The following NUP133 variants were observed in gnomAD, a reference collection of about 807,000 sequenced individuals.
NUP133 encodes the protein nuclear pore complex protein Nup133.
Under a neutral mutation model 146.2 loss-of-function variants are expected in NUP133, and 66 were observed. That is an observed-to-expected ratio of 0.45 (90% CI 0.37 to 0.55). The LOEUF is 0.55. Among genes scored for constraint, NUP133 ranks in the 20% least tolerant of loss-of-function variants. NUP133 has a pLI of 0.00. For synonymous variants in NUP133, 521 were observed against 498.8 expected, an observed-to-expected ratio of 1.04 and a Z score of -0.59; for missense variants, 1,277 against 1,374.8, an observed-to-expected ratio of 0.93 and a Z score of 1.12.
Position 229,498,311 on chromosome 1 carries a change from G to GA in NUP133, c.649-6dup, listed in dbSNP as rs753726547. 3 of 1,560,450 alleles carry GA rather than the reference G, an allele frequency of 1.9e-6. No homozygotes were observed. Among genetic ancestry groups the GA allele is most frequent in the African/African-American group, 2.8e-5 (2 of 71,700 alleles). Reference sequence around the variant, plus strand: ...AGACAAAATAAAACTTCCTCCCTGTGAAAAAACATTATGAGGTTAGTTCAG... The same window carrying GA: ...AGACAAAATAAAACTTCCTCCCTGTGAAAAAAACATTATGAGGTTAGTTCAG... On this transcript the variant is annotated splice_region_variant and splice_polypyrimidine_tract_variant and intron_variant, in intron 5 of 25. Coordinates refer to ENST00000261396, the MANE Select transcript of NUP133 (RefSeq NM_018230.3).
intron 25 of NUP133, among the ~76,000 whole-genome samples, chr1:229,443,617 A>G (rs923899075): frequency 2.0e-5 from 3 of 152,140 alleles, no homozygotes; most frequent in African/African-American, 7.2e-5. Flanking sequence ...ACTATTGTAC[A>G]TGAAAGCCAT....
rs150406381 is a variant in NUP133 at position 229,475,652 on chromosome 1, C to T, written c.1837G>A (p.Asp613Asn). 195 of 1,613,892 alleles carry T rather than the reference C, an allele frequency of 1.2e-4. 1 individual carries two copies. The highest frequency in any genetic ancestry group is 1.7e-4 in the Middle Eastern group (1 of 6,060). The change falls in exon 14 of 26, where the codon GAC becomes AAC. Residue 613 changes from aspartate to asparagine, a missense_variant. This residue lies in a region of NUP133 where 952 missense variants were observed against 1,047.0 expected (regional missense o/e 0.91). Coordinates refer to ENST00000261396, the MANE Select transcript of NUP133 (RefSeq NM_018230.3). Reference sequence around the variant, plus strand: ...TGCGCTCTTACTTGATGAATAAAGTCCATAAGAAAAGAGTGAGCTTTCATC... The same window carrying T: ...TGCGCTCTTACTTGATGAATAAAGTTCATAAGAAAAGAGTGAGCTTTCATC... ...DKMKAHSFLM[D>N]FIHQVGLFGR... is the part of the protein sequence containing the mutation.
chr1:229,470,764 C>T lies in NUP133; in HGVS notation c.1892G>A (p.Gly631Glu). 2 of 1,614,096 alleles carry T rather than the reference C, an allele frequency of 1.2e-6. No homozygotes were observed. The highest frequency in any genetic ancestry group is 1.1e-5 in the South Asian group (1 of 91,076). ...CAACAGTCGAGTGGCCATCGGTGTC[C>T]CTCTAACTGGAAAACTGCCTAGACG... ...FGRLGSFPVR[G>E]TPMATRLLLC... The change falls in exon 15 of 26, where the codon GGG (glycine) becomes GAG (glutamate). Residue 631 changes from glycine (G) to glutamate (E), a missense_variant. This residue lies in a region of NUP133 where 952 missense variants were observed against 1,047.0 expected (regional missense o/e 0.91). Coordinates refer to ENST00000261396, the MANE Select transcript of NUP133 (RefSeq NM_018230.3).
chr1:229,495,167 T>C (rs1001488959), intron 8 of NUP133, among the ~76,000 whole-genome samples: 3 of 151,894 alleles, frequency 2.0e-5, no homozygotes, highest in Non-Finnish European at 4.4e-5. Context: ...GGCAGGAGGG[T>C]TGCTTGAGCC....
At chr1:229,452,811 T>C (rs1316739547) in intron 21 of NUP133, among the ~76,000 whole-genome samples, 168 bp from the exon 22 acceptor site, 3 of 152,206 alleles carry the variant, frequency 2.0e-5, no homozygotes, top group Non-Finnish European at 4.4e-5. Flanking sequence ...TTATTCTTGA[T>C]TGCCGGTTAT....
At chr1:229,445,968 G>C (rs931298363) in intron 24 of NUP133, among the ~76,000 whole-genome samples, 1 of 152,210 alleles carries the variant, frequency 6.6e-6, no homozygotes, top group Non-Finnish European at 1.5e-5. Context: ...GCTTTTAGCA[G>C]TCAATTCATG....
chr1:229,481,567 G>C (rs565204088), intron 12 of NUP133, among the ~76,000 whole-genome samples: 24 of 151,962 alleles, frequency 1.6e-4, no homozygotes, highest in African/African-American at 3.9e-4. Flanking sequence ...AATTAGCCGG[G>C]CATGGCAGTG....
chr1:229,494,335 G>A (rs1489821016), intron 8 of NUP133, among the ~76,000 whole-genome samples: 1 of 152,086 alleles, frequency 6.6e-6, no homozygotes, highest in Admixed American at 6.6e-5. Flanking sequence ...CTGTAAAGGG[G>A]CCTATAATAA....
chr1:229,488,082 G>A (rs1028645945), intron 9 of NUP133, among the ~76,000 whole-genome samples: 1 of 151,958 alleles, frequency 6.6e-6, no homozygotes, highest in Non-Finnish European at 1.5e-5. Flanking sequence ...CTGACCTCAG[G>A]TGATCCACCC....
rs1378034640 is a variant in NUP133, at chr1:229,490,039, G to A, written c.1110C>T (p.Tyr370=). Residue 370 remains tyrosine, a synonymous_variant, in exon 9 of 26, where the codon TAC becomes TAT. Coordinates refer to ENST00000261396, the MANE Select transcript of NUP133 (RefSeq NM_018230.3). ...HSADNPCLIY[Y]SLITIEDNGC... is the part of the protein sequence containing the mutation. The stretch of plus-strand genomic sequence containing the variant: ...CATTATCTTCTATTGTTATCAGAGA[G>A]TAATAGATGAGACATGGATTGTCTG... 1 of 1,611,696 alleles carries A rather than the reference G, an allele frequency of 6.2e-7. No individual in the cohort carries two copies.
intron 24 of NUP133, among the ~76,000 whole-genome samples, chr1:229,446,752 T>A (rs944402052): frequency 6.7e-6 from 1 of 149,890 alleles, no homozygotes; most frequent in East Asian, 2.0e-4. Flanking sequence ...AATTTTTTTT[T>A]AATAAAAAAT....
chr1:229,465,591 AC>A (rs1660793187), intron 16 of NUP133, 72 bp from the exon 17 acceptor site: 2 of 1,148,304 alleles, frequency 1.7e-6, no homozygotes, highest in East Asian at 4.7e-5. Flanking sequence ...ATAATTTAAG[AC>A]AGCAAAGTAA....
intron 24 of NUP133, among the ~76,000 whole-genome samples, chr1:229,446,522 G>A (rs1350092119): frequency 2.6e-5 from 4 of 151,756 alleles, no homozygotes; most frequent in Admixed American, 1.3e-4. Flanking sequence ...TAGGCCAGAA[G>A]ATCGAGAACA....
chr1:229,461,864 A>T (rs1031879837), intron 19 of NUP133, among the ~76,000 whole-genome samples: 1 of 152,212 alleles, frequency 6.6e-6, no homozygotes, highest in Non-Finnish European at 1.5e-5. Context: ...GATATACTAA[A>T]TAAGCCATGT....
chr1:229,487,435 C>T (rs1476256269), intron 10 of NUP133, 31 bp downstream of exon 10: 1 of 1,600,026 alleles, frequency 6.2e-7, no homozygotes, highest in South Asian at 1.1e-5. Context: ...AATGAGCTCA[C>T]CAATCATGCT....
chr1:229,441,381 G>A lies in NUP133; in HGVS notation c.*523C>T. 1.9e-6 allele frequency: 1 copy of A among 530,784 alleles called. No individual in the cohort carries two copies. The highest frequency in any genetic ancestry group is 3.9e-6 in the Non-Finnish European group (1 of 258,882). 32.9% of individuals were successfully genotyped at this position (530,784 alleles called of 1,614,324 possible). A position where few individuals can be genotyped will look rare whatever the true frequency, so the allele number is the denominator to read the frequency against. On this transcript the variant is annotated 3_prime_UTR_variant, in exon 26 of 26. Coordinates refer to ENST00000261396, the MANE Select transcript of NUP133 (RefSeq NM_018230.3). Reference sequence around the variant, plus strand: ...TTCATCAGTTATCAAGCTCACATGAGTTAGGCCCACTCTCCTTTGGTTTTT... The same window carrying A: ...TTCATCAGTTATCAAGCTCACATGAATTAGGCCCACTCTCCTTTGGTTTTT...
At chr1:229,470,926 C>G in intron 14 of NUP133, 122 bp from the exon 15 acceptor site, 1 of 751,224 alleles carries the variant, frequency 1.3e-6, no homozygotes, top group Non-Finnish European at 2.2e-6. Flanking sequence ...CCCAGCAAGT[C>G]CCTCCAGCTG....
At position 229,465,404 on chromosome 1, in the gene NUP133, T is replaced by C. The variant is rs1422873435; in HGVS notation, c.2299+16A>G. 6.6e-7 allele frequency: 1 copy of C among 1,522,440 alleles called. No homozygotes were observed. Among genetic ancestry groups the C allele is most frequent in the Non-Finnish European group, 9.1e-7 (1 of 1,098,946 alleles). The allele number at this position is 1,522,440 out of a possible 1,614,324, so 94.3% of individuals were successfully genotyped here. A position where few individuals can be genotyped will look rare whatever the true frequency, so the allele number is the denominator to read the frequency against. On this transcript the variant is annotated intron_variant, in intron 17 of 25. Coordinates refer to ENST00000261396, the MANE Select transcript of NUP133 (RefSeq NM_018230.3). ...GAAATATATTTTGAACAACTGTTAATAAATCAGTATATTACCCGTCCATGG... is the reference window on the plus strand; with the variant it reads ...GAAATATATTTTGAACAACTGTTAACAAATCAGTATATTACCCGTCCATGG...
intron 13 of NUP133, among the ~76,000 whole-genome samples, chr1:229,476,921 C>G (rs572015278): frequency 7.6e-6 from 1 of 132,174 alleles, no homozygotes; most frequent in South Asian, 2.3e-4. Context: ...AAGGGAGACC[C>G]TGTTTCCAAA....
Sources: allele counts gnomAD v4.1 joint callset (sites outside exome capture counted in the v4.1 genomes callset), GRCh38; gene constraint gnomAD v4.1.1; regional missense constraint gnomAD v4.1.1; transcripts MANE v1.5; gene names NCBI Gene and HGNC (gene_info 2026-07-23, HGNC 2026-07-21).